The following TEKT5 variants were observed in gnomAD, a reference collection of about 807,000 sequenced individuals.
TEKT5 encodes tektin 5, also known as tektin-5.
A neutral mutation model predicts 48.7 loss-of-function variants in TEKT5; 52 were observed. The ratio of observed to expected loss-of-function variants is 1.07; its 90% CI spans 0.86 to 1.35. The LOEUF (loss-of-function observed/expected upper bound fraction) is 1.35. Ranked by LOEUF, TEKT5 falls within the 40% of genes most tolerant of loss-of-function variation. The pLI is 0.00. For missense variants in TEKT5, 831 were observed against 641.6 expected (o/e 1.30, Z -3.19); for synonymous variants, 318 against 267.6 (o/e 1.19, Z -1.84).
At chr16:10,641,339 A>G (rs1897992311) in intron 5 of TEKT5, among the ~76,000 whole-genome samples, 2 of 152,116 alleles carry the variant, frequency 1.3e-5, no homozygotes, top group Non-Finnish European at 2.9e-5. Flanking sequence ...AGAGGCTCCT[A>G]TCCCCACACT....
At chr16:10,691,071 G>A (rs542332921) in intron 1 of TEKT5, among the ~76,000 whole-genome samples, 2 of 152,316 alleles carry the variant, frequency 1.3e-5, no homozygotes, top group East Asian at 1.9e-4. Flanking sequence ...TGGGCACAGC[G>A]CCTCCTTCAT....
intron 3 of TEKT5, among the ~76,000 whole-genome samples, chr16:10,686,453 T>C (rs1210250263): frequency 7.0e-6 from 1 of 142,266 alleles, no homozygotes; most frequent in Admixed American, 6.9e-5. Context: ...GGAGACTCCA[T>C]CTCAAAAAAA....
chr16:10,637,082 C>T (rs1213833101), intron 5 of TEKT5, among the ~76,000 whole-genome samples: 6 of 151,256 alleles, frequency 4.0e-5, no homozygotes, highest in East Asian at 2.0e-4. Context: ...CCGGGGTTCA[C>T]GCCATTCTCC....
At chr16:10,690,727 G>C (rs1222331256) in intron 1 of TEKT5, 12 of 985,426 alleles carry the variant, frequency 1.2e-5, no homozygotes, top group Non-Finnish European at 1.4e-5. Flanking sequence ...CAGAGCAGAA[G>C]AGAGGACAGG....
At chr16:10,681,459 G>A (rs1166314355) in intron 4 of TEKT5, among the ~76,000 whole-genome samples, 1 of 151,828 alleles carries the variant, frequency 6.6e-6, no homozygotes, top group African/African-American at 2.4e-5. Flanking sequence ...CAATCCTCCA[G>A]CCTTGGCCTC....
intron 5 of TEKT5, among the ~76,000 whole-genome samples, chr16:10,658,762 G>A (rs1468000140): frequency 1.3e-5 from 2 of 151,474 alleles, no homozygotes; most frequent in Non-Finnish European, 2.9e-5. Flanking sequence ...CTGTCACCCA[G>A]GCTGGAGTGC....
intron 5 of TEKT5, among the ~76,000 whole-genome samples, chr16:10,636,513 ATC>A (rs1383501047): frequency 6.6e-6 from 1 of 152,090 alleles, no homozygotes; most frequent in African/African-American, 2.4e-5. Context: ...AGAGTTGCCA[ATC>A]AGTGCTCAGC....
At chr16:10,689,217 C>G (rs749084107) in intron 3 of TEKT5, 36 bp downstream of exon 3, 2 of 1,563,274 alleles carry the variant, frequency 1.3e-6, no homozygotes, top group African/African-American at 1.4e-5. Flanking sequence ...AAACAAACCC[C>G]AAGGAGAGGG....
At chr16:10,672,135 C>T (rs1326816489) in intron 5 of TEKT5, among the ~76,000 whole-genome samples, 1 of 151,992 alleles carries the variant, frequency 6.6e-6, no homozygotes, top group Non-Finnish European at 1.5e-5. Context: ...CAGAACTGTA[C>T]ACTTAAGAGT....
intron 5 of TEKT5, among the ~76,000 whole-genome samples, chr16:10,640,495 C>T (rs893648220): frequency 3.9e-5 from 6 of 152,238 alleles, no homozygotes; most frequent in African/African-American, 1.4e-4. Context: ...ATAAATTACA[C>T]GTTTAATGTT....
chr16:10,678,977 C>A (rs542080201), intron 4 of TEKT5, among the ~76,000 whole-genome samples: 150 of 152,276 alleles, frequency 9.9e-4, no homozygotes, highest in African/African-American at 3.2e-3. Context: ...ATTGGTAAAA[C>A]ACACAGGCTC....
At chr16:10,679,038 T>C (rs918873451) in intron 4 of TEKT5, among the ~76,000 whole-genome samples, 5 of 152,164 alleles carry the variant, frequency 3.3e-5, no homozygotes, top group African/African-American at 9.7e-5. Flanking sequence ...CTGTGTGAGC[T>C]TGAGCCAATC....
chr16:10,657,994 G>A (rs1375784809), intron 5 of TEKT5, among the ~76,000 whole-genome samples: 3 of 152,086 alleles, frequency 2.0e-5, no homozygotes, highest in Non-Finnish European at 4.4e-5. Context: ...TATAGTTACA[G>A]TTGTCCAGCC....
chr16:10,663,541 CA>C (rs2142289014), intron 5 of TEKT5, among the ~76,000 whole-genome samples: 1 of 152,224 alleles, frequency 6.6e-6, no homozygotes, highest in Non-Finnish European at 1.5e-5. Flanking sequence ...CAAGTTCAGC[CA>C]AATTCAGGAG....
rs758625116 is a variant in TEKT5 at position 10,694,489 on chromosome 16, G to C, written c.385C>G (p.Leu129Val). Reference sequence around the variant, plus strand: ...GTGCCCTCCTGCATCTGGTGCGTCAGCTGGTCCTTGTCCTGCAAGAGCCTC... The same window carrying C: ...GTGCCCTCCTGCATCTGGTGCGTCACCTGGTCCTTGTCCTGCAAGAGCCTC... ...SMRLLQDKDQ[L>V]THQMQEGTCR... is the part of the protein sequence containing the mutation. The change falls in exon 1 of 7, where the codon CTG becomes GTG. Residue 129 changes from leucine (L) to valine (V), a missense_variant. Physicochemically the swap from Leu to Val is conservative, Grantham distance 32. Coordinates refer to ENST00000283025, the MANE Select transcript of TEKT5 (RefSeq NM_144674.2). 2 of 1,613,702 alleles carry C rather than the reference G, an allele frequency of 1.2e-6. No homozygotes were observed. The highest frequency in any genetic ancestry group is 1.7e-6 in the Non-Finnish European group (2 of 1,179,796).
chr16:10,673,813 G>A (rs1332271218), intron 5 of TEKT5, among the ~76,000 whole-genome samples: 2 of 151,744 alleles, frequency 1.3e-5, no homozygotes, highest in Non-Finnish European at 2.9e-5. Context: ...ACTATGCCCA[G>A]CTGATTTTTT....
chr16:10,666,587 A>G (rs1355865565), intron 5 of TEKT5, among the ~76,000 whole-genome samples: 1 of 152,224 alleles, frequency 6.6e-6, no homozygotes, highest in African/African-American at 2.4e-5. Context: ...ACTACAGTGA[A>G]GAATTACTCA....
chr16:10,627,531 C>T lies in TEKT5; in HGVS notation c.*52G>A. 1.9e-6 allele frequency: 3 copies of T among 1,588,526 alleles called. No individual in the cohort carries two copies. The highest frequency in any genetic ancestry group is 3.3e-5 in the Admixed American group (2 of 59,728). On this transcript the variant is annotated 3_prime_UTR_variant, in exon 7 of 7. Transcript: ENST00000283025. ...AACAAAATACTGTTTTACTTTGTTT[C>T]TCAGCCTTTTCCAATTTTACGCCAG...
At position 10,689,309 on chromosome 16, in the gene TEKT5, T is replaced by G. The variant is rs766900544; in HGVS notation, c.663A>C (p.Leu221=). 1 of 1,613,672 alleles carries G rather than the reference T, an allele frequency of 6.2e-7. No individual in the cohort carries two copies. Among genetic ancestry groups the G allele is most frequent in the South Asian group, 1.1e-5 (1 of 91,006 alleles). Residue 221 remains leucine (L), a synonymous_variant, in exon 3 of 7, where the codon CTA becomes CTC. Coordinates refer to ENST00000283025, the MANE Select transcript of TEKT5 (RefSeq NM_144674.2). The stretch of plus-strand genomic sequence containing the variant: ...TTCTCATCTGTTCTTGGCAACATTT[T>G]AGCAAATCCACTTCCTGAAATGAAA... ...EKNLIREVDL[L]KCCQEQMRKL...
Sources: allele counts gnomAD v4.1 joint callset (sites outside exome capture counted in the v4.1 genomes callset), GRCh38; gene constraint gnomAD v4.1.1; transcripts MANE v1.5; gene names NCBI Gene and HGNC (gene_info 2026-07-23, HGNC 2026-07-21).